DLG2: variants seen among roughly 807,000 people sequenced by gnomAD.
DLG2 encodes disks large homolog 2.
A neutral mutation model predicts 132.5 loss-of-function variants in DLG2; 45 were observed. The observed-to-expected ratio is 0.34, with a 90% CI of 0.27 to 0.44. DLG2 has a LOEUF of 0.44. Ranked by LOEUF, DLG2 falls within the 20% of genes least tolerant of loss-of-function variation. The pLI is 1.00. For synonymous variants in DLG2, 424 were observed against 419.6 expected, an observed-to-expected ratio of 1.01 and a Z score of -0.13; for missense variants, 1,045 against 1,196.9, an observed-to-expected ratio of 0.87 and a Z score of 1.87.
At chr11:84,564,043 TTC>T (rs2099439388) in intron 6 of DLG2, among the ~76,000 whole-genome samples, 1 of 152,212 alleles carries the variant, frequency 6.6e-6, no homozygotes, top group Admixed American at 6.5e-5. Context: ...CTCGCTTATA[TTC>T]TGTGTGTTTG....
chr11:83,831,184 A>G (rs537284600), intron 17 of DLG2, among the ~76,000 whole-genome samples: 1 of 152,348 alleles, frequency 6.6e-6, no homozygotes, highest in South Asian at 2.1e-4. Flanking sequence ...CCTAGTACAG[A>G]AAGACAGACA....
intron 7 of DLG2, among the ~76,000 whole-genome samples, chr11:84,497,494 T>C (rs933077122): frequency 6.6e-6 from 1 of 152,014 alleles, no homozygotes; most frequent in Non-Finnish European, 1.5e-5. Flanking sequence ...CTAAGAGAGA[T>C]AGGGGATGAG....
At chr11:85,388,900 A>T (rs2086572286) in intron 3 of DLG2, among the ~76,000 whole-genome samples, 1 of 152,330 alleles carries the variant, frequency 6.6e-6, no homozygotes, top group African/African-American at 2.4e-5. Context: ...TCATAAGAAG[A>T]AACCACAAAA....
At chr11:83,879,139 G>A (rs2065500370) in intron 15 of DLG2, among the ~76,000 whole-genome samples, 1 of 152,120 alleles carries the variant, frequency 6.6e-6, no homozygotes, top group African/African-American at 2.4e-5. Context: ...TATTACACAT[G>A]GAACACAAAG....
Position 83,704,063 on chromosome 11 carries a change from C to T in DLG2, c.1826-70738G>A, listed in dbSNP as rs868449916. On this transcript the variant is annotated intron_variant, in intron 18 of 27. Transcript: ENST00000376104. Reference sequence around the variant, plus strand: ...GAAAATAAATGGCAAGGACCTACAACAAAATCAATAGTTATTTTTTATTGC... The same window carrying T: ...GAAAATAAATGGCAAGGACCTACAATAAAATCAATAGTTATTTTTTATTGC... Among the ~76,000 whole-genome samples, 207 of 152,156 alleles carry T rather than the reference C, an allele frequency of 1.4e-3. 2 individuals carry two copies. The highest frequency in any genetic ancestry group is 4.8e-3 in the African/African-American group (200 of 41,526).
At chr11:83,960,468 T>TA (rs2088321101) in intron 14 of DLG2, among the ~76,000 whole-genome samples, 1 of 151,998 alleles carries the variant, frequency 6.6e-6, no homozygotes, top group African/African-American at 2.4e-5. Flanking sequence ...AGTAAAAACA[T>TA]AATAAATAAT....
At chr11:84,079,278 GT>G (rs34283629) in intron 10 of DLG2, among the ~76,000 whole-genome samples, 23 of 147,308 alleles carry the variant, frequency 1.6e-4, no homozygotes, top group South Asian at 4.3e-4. Context: ...TTTTTGGTTT[GT>G]TTTTTTTTTT....
intron 14 of DLG2, among the ~76,000 whole-genome samples, chr11:83,954,439 CTA>C (rs990224373): frequency 6.6e-6 from 1 of 152,118 alleles, no homozygotes; most frequent in African/African-American, 2.4e-5. Flanking sequence ...ACATAATGAT[CTA>C]TCTGTCTCAC....
intron 19 of DLG2, among the ~76,000 whole-genome samples, chr11:83,589,831 G>C (rs1367452259): frequency 3.6e-4 from 51 of 142,812 alleles, no homozygotes; most frequent in South Asian, 2.4e-3. Context: ...AAAAGGCAGG[G>C]GTTGCAATCC....
intron 11 of DLG2, among the ~76,000 whole-genome samples, chr11:84,018,970 T>A (rs780845581): frequency 6.6e-6 from 1 of 151,978 alleles, no homozygotes; most frequent in Non-Finnish European, 1.5e-5. Flanking sequence ...AAAGTCAGAT[T>A]AGTGGTTACT....
At chr11:84,684,544 T>G (rs937007630) in intron 6 of DLG2, among the ~76,000 whole-genome samples, 1 of 152,078 alleles carries the variant, frequency 6.6e-6, no homozygotes, top group Non-Finnish European at 1.5e-5. Context: ...TAGAGTTCAG[T>G]TTGTATGTGG....
intron 6 of DLG2, among the ~76,000 whole-genome samples, chr11:84,792,800 G>T (rs550221021): frequency 6.6e-6 from 1 of 151,798 alleles, no homozygotes; most frequent in East Asian, 1.9e-4. Context: ...ATTTATTTGG[G>T]TCTTCTCTCT....
intron 6 of DLG2, among the ~76,000 whole-genome samples, chr11:85,063,535 C>G (rs1481397775): frequency 1.3e-5 from 2 of 151,722 alleles, no homozygotes; most frequent in East Asian, 3.9e-4. Context: ...AAACGGTACA[C>G]CTTATGACTA....
chr11:83,516,069 C>A (rs991800604), intron 21 of DLG2, among the ~76,000 whole-genome samples: 1 of 152,152 alleles, frequency 6.6e-6, no homozygotes, highest in Non-Finnish European at 1.5e-5. Flanking sequence ...AGTTCAATTC[C>A]TGGATATCCT....
At chr11:85,239,867 T>C (rs2075790117) in intron 4 of DLG2, among the ~76,000 whole-genome samples, 1 of 151,714 alleles carries the variant, frequency 6.6e-6, no homozygotes. Flanking sequence ...TTCTTGTCTA[T>C]GTTTCAAACT....
intron 6 of DLG2, among the ~76,000 whole-genome samples, chr11:84,966,179 C>A (rs950852850): frequency 6.6e-6 from 1 of 151,892 alleles, no homozygotes; most frequent in African/African-American, 2.4e-5. Context: ...GTAGATCTAT[C>A]TATCTATCTA....
intron 14 of DLG2, among the ~76,000 whole-genome samples, chr11:83,951,347 T>C (rs1272431895): frequency 6.6e-6 from 1 of 152,056 alleles, no homozygotes; most frequent in Non-Finnish European, 1.5e-5. Context: ...CCCTGAGCCA[T>C]AAAGCTTATA....
intron 7 of DLG2, among the ~76,000 whole-genome samples, chr11:84,258,613 G>A (rs1403544517): frequency 6.6e-6 from 1 of 152,092 alleles, no homozygotes; most frequent in Non-Finnish European, 1.5e-5. Flanking sequence ...GAGAAGAAAG[G>A]AAGAAAAGAA....
At chr11:83,727,417 C>A (rs1392803676) in intron 18 of DLG2, among the ~76,000 whole-genome samples, 1 of 152,178 alleles carries the variant, frequency 6.6e-6, no homozygotes, top group African/African-American at 2.4e-5. Context: ...TAATGTGGTG[C>A]ACAGGGGAGA....
Sources: allele counts gnomAD v4.1 joint callset (sites outside exome capture counted in the v4.1 genomes callset), GRCh38; gene constraint gnomAD v4.1.1; transcripts MANE v1.5; gene names NCBI Gene and HGNC (gene_info 2026-07-23, HGNC 2026-07-21).